Variants in ABCB7 observed in about 807,000 individuals in gnomAD.
ABCB7 encodes the protein iron-sulfur clusters transporter ABCB7, mitochondrial.
In ABCB7, 7 loss-of-function variants were observed where a neutral mutation model predicts 54.4. The observed-to-expected ratio is 0.13, with a 90% CI of 0.07 to 0.24. The LOEUF (loss-of-function observed/expected upper bound fraction) is 0.24, where lower values mean the gene tolerates loss of function less well. ABCB7 is among the 10% of genes least tolerant of loss of function. The pLI is 1.00. For synonymous variants in ABCB7, 218 were observed against 207.1 expected (o/e 1.05, Z -0.45); for missense variants, 356 against 570.4 (o/e 0.62, Z 3.83).
chrX:75,072,098 C>CT (rs2081367868), intron 8 of ABCB7, among the ~76,000 whole-genome samples: 1 of 111,221 alleles, frequency 9.0e-6, no homozygotes, highest in Non-Finnish European at 1.9e-5. Flanking sequence ...AGAAAGTAAT[C>CT]TTTTTTTACC....
intron 4 of ABCB7, among the ~76,000 whole-genome samples, chrX:75,091,294 A>G (rs934112239): frequency 1.8e-5 from 2 of 111,479 alleles, no homozygotes; most frequent in Middle Eastern, 4.6e-3. Flanking sequence ...AAGCTGGTTC[A>G]ACATTTGAAA....
Position 75,074,095 on chromosome X carries a change from T to C in ABCB7, c.856-139A>G. The C allele has an allele frequency of 7.7e-6, 4 of 520,538 alleles. No individual in the cohort carries two copies. The East Asian group carries it at 1.5e-4, about 19-fold the overall frequency. 42.9% of individuals were successfully genotyped at this position (520,538 alleles called of 1,213,427 possible). ...TGAAGTTATGTACGTGAATGATGGGTGAAAAATCAAATACTTTAGAAAATC... is the reference window on the plus strand; with the variant it reads ...TGAAGTTATGTACGTGAATGATGGGCGAAAAATCAAATACTTTAGAAAATC... On this transcript the variant is annotated intron_variant, in intron 6 of 15. Coordinates refer to ENST00000373394, the MANE Select transcript of ABCB7 (RefSeq NM_001271696.3).
intron 1 of ABCB7, among the ~76,000 whole-genome samples, chrX:75,130,189 TTTTG>T (rs1322167020): frequency 8.9e-6 from 1 of 111,871 alleles, no homozygotes; most frequent in Non-Finnish European, 1.9e-5. Flanking sequence ...GCATACAGGA[TTTTG>T]TTTGTTTCTT....
chrX:75,075,759 T>C, intron 5 of ABCB7, 129 bp from the exon 6 acceptor site: 2 of 684,224 alleles, frequency 2.9e-6, no homozygotes, highest in Non-Finnish European at 4.2e-6. Flanking sequence ...ACAGAATATT[T>C]ACAATAAAAG....
intron 4 of ABCB7, among the ~76,000 whole-genome samples, chrX:75,086,728 A>G (rs771377647): frequency 8.9e-6 from 1 of 112,112 alleles, no homozygotes; most frequent in Non-Finnish European, 1.9e-5. Context: ...AAAACCAGAC[A>G]AGGTAAGGTA....
At chrX:75,070,307 T>C in intron 10 of ABCB7, 58 bp downstream of exon 10, 21 of 1,087,545 alleles carry the variant, frequency 1.9e-5, no homozygotes, top group African/African-American at 3.6e-5. Flanking sequence ...CCTAGAATAA[T>C]CCTACTAATA....
At chrX:75,061,360 G>C (rs1196063434) in intron 14 of ABCB7, among the ~76,000 whole-genome samples, 1 of 111,697 alleles carries the variant, frequency 9.0e-6, no homozygotes, top group East Asian at 2.8e-4. Flanking sequence ...ACTGTTGGTA[G>C]GTCTTTTAGT....
chrX:75,065,042 A>AG (rs1458599118), intron 13 of ABCB7, 28 bp downstream of exon 13: 3 of 1,206,667 alleles, frequency 2.5e-6, no homozygotes, highest in Non-Finnish European at 3.4e-6. Context: ...GTATACAAGA[A>AG]GGGGGCAGGT....
chrX:75,072,286 A>G (rs957124657), intron 8 of ABCB7, among the ~76,000 whole-genome samples: 1 of 111,719 alleles, frequency 9.0e-6, no homozygotes, highest in Non-Finnish European at 1.9e-5. Context: ...TTCATTCTGA[A>G]TCAAGATGCT....
chrX:75,095,829 A>G (rs974405179), intron 4 of ABCB7, among the ~76,000 whole-genome samples: 4 of 112,113 alleles, frequency 3.6e-5, no homozygotes, highest in Non-Finnish European at 7.5e-5. Context: ...ATCAAATATT[A>G]ACCTTCTAAA....
In ABCB7 at chrX:75,053,394, T is replaced by G; in HGVS notation, c.2235A>C (p.Lys745Asn). The G allele has an allele frequency of 2.5e-6, 3 of 1,211,719 alleles. No individual in the cohort carries two copies. The highest frequency in any genetic ancestry group is 1.8e-5 in the South Asian group (1 of 56,980). Residue 745 changes from lysine to asparagine, a missense_variant, in exon 16 of 16, where the codon AAA (lysine) becomes AAC (asparagine). Transcript: ENST00000373394. ...CTTAGCACGAACAGTTTCCACAGCC[T>G]TTCACACTATTGACAATTTCTTCTT... is the stretch of plus-strand genomic sequence containing the variant. Reference protein sequence around the residue: ...KLQEEIVNSVKGCGNCSC With the variant: ...KLQEEIVNSVNGCGNCSC
Position 75,068,926 on chromosome X carries a change from C to A in ABCB7, c.1659+81G>T, listed in dbSNP as rs769164026. On this transcript the variant is annotated intron_variant, in intron 12 of 15. Coordinates refer to ENST00000373394, the MANE Select transcript of ABCB7 (RefSeq NM_001271696.3). ...ACTACTTCAGTAGCATATGTTGATC[C>A]CTTGATTCAAACTGTTCTAGTTACG... The A allele has an allele frequency of 3.5e-5, 37 of 1,066,752 alleles. No individual in the cohort carries two copies. In the South Asian group the frequency reaches 6.0e-4, roughly 17 times the overall value. The allele number at this position is 1,066,752 out of a possible 1,213,427, so 87.9% of individuals were successfully genotyped here. A position where few individuals can be genotyped will look rare whatever the true frequency, so the allele number is the denominator to read the frequency against.
rs751421318 is a variant in ABCB7 at position 75,078,544 on chromosome X, A to G, written c.454-1890T>C. Among the ~76,000 whole-genome samples, 7 of 111,468 alleles carry G rather than the reference A, an allele frequency of 6.3e-5. No homozygotes were observed. In the South Asian group the frequency reaches 2.7e-3, roughly 42 times the overall value. On this transcript the variant is annotated intron_variant, in intron 4 of 15. Coordinates refer to ENST00000373394, the MANE Select transcript of ABCB7 (RefSeq NM_001271696.3). Reference sequence around the variant, plus strand: ...ACAAACCTTTTGTGACAAAACTGACATTTACTGAACAACAGCTAGATGAAT... The same window carrying G: ...ACAAACCTTTTGTGACAAAACTGACGTTTACTGAACAACAGCTAGATGAAT...
chrX:75,095,393 G>C (rs145238398), intron 4 of ABCB7, among the ~76,000 whole-genome samples: 1,731 of 112,101 alleles, frequency 0.015, 35 homozygotes, highest in African/African-American at 0.054. Flanking sequence ...GGAAGCCAAG[G>C]ATAAAAGGGG....
At chrX:75,150,195 C>G (rs750519274) in intron 1 of ABCB7, among the ~76,000 whole-genome samples, 1 of 111,214 alleles carries the variant, frequency 9.0e-6, no homozygotes, top group South Asian at 3.8e-4. Context: ...CTGAAAAGGA[C>G]AGAAGAGGCC....
chrX:75,149,650 G>C (rs1328876078), intron 1 of ABCB7, among the ~76,000 whole-genome samples: 2 of 111,551 alleles, frequency 1.8e-5, no homozygotes, highest in Admixed American at 1.9e-4. Flanking sequence ...ACAAAAAGAT[G>C]ATTGGAATAT....
chrX:75,067,571 G>A (rs1374841242), intron 12 of ABCB7, among the ~76,000 whole-genome samples: 2 of 110,350 alleles, frequency 1.8e-5, no homozygotes, highest in Non-Finnish European at 3.8e-5. Context: ...TGCAACCTCC[G>A]CCTCCTGGGT....
intron 4 of ABCB7, among the ~76,000 whole-genome samples, chrX:75,094,130 T>C (rs2081570477): frequency 9.6e-6 from 1 of 104,710 alleles, no homozygotes; most frequent in South Asian, 4.4e-4. Flanking sequence ...ATATAACAGA[T>C]GCATTTCTGA....
intron 3 of ABCB7, 136 bp downstream of exon 3, chrX:75,112,750 G>GTTTTTTTT: frequency 2.6e-6 from 1 of 389,787 alleles, no homozygotes; most frequent in Admixed American, 4.0e-5. Context: ...CAATTAATAT[G>GTTTTTTTT]TTTTTTTTTT....
Sources: gnomAD v4.1 joint callset for allele counts (sites outside exome capture counted in the v4.1 genomes callset) on GRCh38, gnomAD v4.1.1 for gene constraint, MANE v1.5 for transcripts, NCBI Gene and HGNC (gene_info 2026-07-23, HGNC 2026-07-21) for gene names.